Variants in CDH13 observed in about 807,000 individuals in gnomAD.
CDH13 encodes the protein cadherin 13.
A neutral mutation model predicts 63.8 loss-of-function variants in CDH13; 24 were observed. The observed-to-expected ratio is 0.38, with a 90% CI of 0.27 to 0.53. The LOEUF (loss-of-function observed/expected upper bound fraction) is 0.53. Among genes scored for constraint, CDH13 ranks in the 20% least tolerant of loss-of-function variants. The pLI is 0.85. For missense variants in CDH13, 1,049 were observed against 903.1 expected, an observed-to-expected ratio of 1.16 and a Z score of -2.07; for synonymous variants, 503 against 355.3, an observed-to-expected ratio of 1.42 and a Z score of -4.67.
At chr16:82,660,230 G>C (rs1286863238) in intron 1 of CDH13, among the ~76,000 whole-genome samples, 1 of 152,134 alleles carries the variant, frequency 6.6e-6, no homozygotes, top group Admixed American at 6.5e-5. Flanking sequence ...ATCTTGGTTT[G>C]TGTAAGATTA....
intron 7 of CDH13, among the ~76,000 whole-genome samples, chr16:83,541,015 A>G (rs562086232): frequency 6.6e-6 from 1 of 152,192 alleles, no homozygotes; most frequent in African/African-American, 2.4e-5. Context: ...AGATGTAGAA[A>G]TTGTCTTGGG....
At chr16:83,485,561 C>T (rs933769185) in intron 6 of CDH13, among the ~76,000 whole-genome samples, 2 of 152,122 alleles carry the variant, frequency 1.3e-5, no homozygotes, top group African/African-American at 2.4e-5. Flanking sequence ...GCTCTCATTC[C>T]CTTTAACTGG....
intron 1 of CDH13, among the ~76,000 whole-genome samples, chr16:82,630,825 T>G (rs1344849494): frequency 6.6e-6 from 1 of 152,222 alleles, no homozygotes; most frequent in Non-Finnish European, 1.5e-5. Context: ...ACAGTGTTTC[T>G]GTGTGCGCGT....
chr16:83,564,661 G>A (rs1183804740), intron 7 of CDH13, among the ~76,000 whole-genome samples: 4 of 152,124 alleles, frequency 2.6e-5, no homozygotes, highest in African/African-American at 7.2e-5. Flanking sequence ...CACCTCCCTC[G>A]GCCTCCCAAA....
intron 11 of CDH13, among the ~76,000 whole-genome samples, chr16:83,768,141 ATG>A (rs1914523532): frequency 6.6e-6 from 1 of 152,154 alleles, no homozygotes; most frequent in Non-Finnish European, 1.5e-5. Flanking sequence ...ATTTTTATAT[ATG>A]TCTTTCTAAT....
chr16:83,379,897 T>C (rs1170608247), intron 6 of CDH13, among the ~76,000 whole-genome samples: 2 of 142,536 alleles, frequency 1.4e-5, no homozygotes, highest in African/African-American at 2.7e-5. Context: ...TATATAGATA[T>C]ATGTATTATA....
intron 1 of CDH13, among the ~76,000 whole-genome samples, chr16:82,719,749 A>G (rs914849978): frequency 6.6e-6 from 1 of 151,334 alleles, no homozygotes; most frequent in African/African-American, 2.4e-5. Flanking sequence ...GGGAGGCTGA[A>G]ACAGGAGAAT....
chr16:83,671,820 T>C (rs1423985363), intron 9 of CDH13, among the ~76,000 whole-genome samples: 4 of 152,180 alleles, frequency 2.6e-5, no homozygotes, highest in Non-Finnish European at 5.9e-5. Context: ...TAATTATAAA[T>C]GTAAAACCTC....
At chr16:83,301,601 AAG>A (rs1343869261) in intron 5 of CDH13, among the ~76,000 whole-genome samples, 1 of 152,116 alleles carries the variant, frequency 6.6e-6, no homozygotes, top group Non-Finnish European at 1.5e-5. Context: ...TCTCGGATGT[AAG>A]AGAGGTTGTT....
At chr16:83,549,611 CT>C (rs1197915261) in intron 7 of CDH13, among the ~76,000 whole-genome samples, 3 of 149,626 alleles carry the variant, frequency 2.0e-5, no homozygotes, top group Non-Finnish European at 4.4e-5. Flanking sequence ...GGGACTATAG[CT>C]TTATTTCTTG....
intron 2 of CDH13, among the ~76,000 whole-genome samples, chr16:82,871,246 A>G (rs544132406): frequency 1.2e-4 from 18 of 152,312 alleles, no homozygotes; most frequent in African/African-American, 4.3e-4. Flanking sequence ...TAATGTATGA[A>G]AAGGGAACCA....
At chr16:83,267,229 G>A (rs558525424) in intron 5 of CDH13, among the ~76,000 whole-genome samples, 4 of 152,194 alleles carry the variant, frequency 2.6e-5, no homozygotes, top group South Asian at 2.1e-4. Flanking sequence ...AAAACACAAA[G>A]GCTGAAGGTG....
intron 4 of CDH13, among the ~76,000 whole-genome samples, chr16:83,204,000 A>T (rs1466374055): frequency 6.6e-6 from 1 of 152,236 alleles, no homozygotes; most frequent in African/African-American, 2.4e-5. Flanking sequence ...GAAACGGGCA[A>T]CCCACTGGAT....
intron 11 of CDH13, among the ~76,000 whole-genome samples, chr16:83,767,984 A>C (rs1001685058): frequency 1.1e-4 from 16 of 152,212 alleles, no homozygotes; most frequent in Non-Finnish European, 7.3e-5. Flanking sequence ...AAAGAGTAAG[A>C]AAAAAGTAAA....
intron 6 of CDH13, among the ~76,000 whole-genome samples, chr16:83,346,581 T>C (rs1350870360): frequency 2.0e-5 from 3 of 152,158 alleles, no homozygotes; most frequent in Non-Finnish European, 2.9e-5. Flanking sequence ...GGCTGTGAGC[T>C]TGCACATGTC....
At chr16:82,815,349 C>T (rs368578300) in intron 1 of CDH13, among the ~76,000 whole-genome samples, 5 of 152,136 alleles carry the variant, frequency 3.3e-5, no homozygotes, top group Admixed American at 6.6e-5. Context: ...TCAGTTTCCT[C>T]ACCTGCATGA....
chr16:83,273,438 G>T (rs2088888035), intron 5 of CDH13, among the ~76,000 whole-genome samples: 1 of 152,058 alleles, frequency 6.6e-6, no homozygotes, highest in African/African-American at 2.4e-5. Flanking sequence ...CCACTTATAA[G>T]TGAGAACAAG....
chr16:83,025,650 C>T (rs1020373002), intron 2 of CDH13, among the ~76,000 whole-genome samples: 1 of 152,060 alleles, frequency 6.6e-6, no homozygotes, highest in Non-Finnish European at 1.5e-5. Context: ...GGTGGTTTGC[C>T]CAACGTCACA....
chr16:83,406,566 C>T (rs1277175049), intron 6 of CDH13, among the ~76,000 whole-genome samples: 2 of 152,110 alleles, frequency 1.3e-5, no homozygotes, highest in African/African-American at 4.8e-5. Flanking sequence ...TGGGTTCCAG[C>T]GATTCTCCTG....
Sources: gnomAD v4.1 joint callset for allele counts (sites outside exome capture counted in the v4.1 genomes callset) on GRCh38, gnomAD v4.1.1 for gene constraint, MANE v1.5 for transcripts, NCBI Gene and HGNC (gene_info 2026-07-23, HGNC 2026-07-21) for gene names.